DST: variants seen among roughly 807,000 people sequenced by gnomAD.
DST encodes bullous pemphigoid antigen.
DST carries 253 observed loss-of-function variants against 875.2 expected under a neutral mutation model. That is an observed-to-expected ratio of 0.29 (90% CI 0.26 to 0.32). The LOEUF is 0.32. Ranked by LOEUF, DST falls within the 10% of genes least tolerant of loss-of-function variation. The probability of loss-of-function intolerance (pLI) is 1.00; values close to 1 mark genes in which losing one functional copy is unlikely to be tolerated. For missense variants in DST, 8,287 were observed against 9,111.6 expected, an observed-to-expected ratio of 0.91 and a Z score of 3.68; for synonymous variants, 3,124 against 3,197.1, an observed-to-expected ratio of 0.98 and a Z score of 0.77.
chr6:56,655,442 T>C (rs1020229114), intron 10 of DST, among the ~76,000 whole-genome samples: 4 of 152,054 alleles, frequency 2.6e-5, no homozygotes, highest in African/African-American at 9.7e-5. Context: ...ATGGGAAATA[T>C]CAATGGCCAC....
chr6:56,932,587 CT>C (rs943443462), intron 2 of DST, among the ~76,000 whole-genome samples: 1 of 152,072 alleles, frequency 6.6e-6, no homozygotes, highest in African/African-American at 2.4e-5. Context: ...TCAAATATGC[CT>C]GGTAACTCTA....
intron 4 of DST, among the ~76,000 whole-genome samples, chr6:56,779,764 G>A (rs925419535): frequency 2.0e-5 from 3 of 149,238 alleles, no homozygotes; most frequent in South Asian, 4.3e-4. Flanking sequence ...TAGGGTACAT[G>A]TGCACAATAT....
At chr6:56,806,263 A>G (rs1314323567) in intron 4 of DST, among the ~76,000 whole-genome samples, 1 of 152,234 alleles carries the variant, frequency 6.6e-6, no homozygotes, top group Non-Finnish European at 1.5e-5. Flanking sequence ...TAGTTAAGTT[A>G]TTGCCCAATC....
intron 3 of DST, among the ~76,000 whole-genome samples, chr6:56,888,788 A>G (rs1003514667): frequency 7.2e-5 from 11 of 152,214 alleles, no homozygotes; most frequent in Admixed American, 4.6e-4. Flanking sequence ...CAAAAACCTA[A>G]GCTGTAATCA....
intron 60 of DST, among the ~76,000 whole-genome samples, chr6:56,554,481 C>T (rs2097372642): frequency 6.6e-6 from 1 of 152,100 alleles, no homozygotes; most frequent in Non-Finnish European, 1.5e-5. Flanking sequence ...AGTTGGAAGA[C>T]CCCAGGCAAA....
chr6:56,555,242 C>A (rs1018821097), intron 60 of DST, 103 bp downstream of exon 60: 23 of 1,283,630 alleles, frequency 1.8e-5, no homozygotes, highest in African/African-American at 3.0e-5. Flanking sequence ...AACAGTGGGG[C>A]AGAGTCTCTT....
intron 2 of DST, among the ~76,000 whole-genome samples, chr6:56,920,906 T>TTTTG (rs1803856330): frequency 1.5e-5 from 2 of 135,930 alleles, no homozygotes; most frequent in African/African-American, 5.6e-5. Flanking sequence ...TTTTTTTTTT[T>TTTTG]TTTTTTTTTT....
At position 56,608,453 on chromosome 6, in the gene DST, C is replaced by G; in HGVS notation, c.6175G>C (p.Ala2059Pro). The change falls in exon 40 of 104, where the codon GCT becomes CCT. Residue 2059 changes from alanine to proline, a missense_variant. Around this residue, in one of 10 missense-constraint regions of DST, gnomAD observed 3,138 missense variants for 3,116.6 expected, o/e 1.01. Coordinates refer to ENST00000680361, the MANE Select transcript of DST (RefSeq NM_001374736.1). The part of the protein sequence containing the change: ...VQCDLITSSS[A>P]LLVLEAQRGY... ...CGCTGAGCTTCCAGGACCAGAAGAG[C>G]ACTGCTGGAAGTTATTAAATCACAC... 6.2e-7 allele frequency: 1 copy of G among 1,613,718 alleles called. No homozygotes were observed. Among genetic ancestry groups the G allele is most frequent in the Non-Finnish European group, 8.5e-7 (1 of 1,179,772 alleles).
chr6:56,675,200 C>T (rs1397866854), intron 9 of DST, among the ~76,000 whole-genome samples: 1 of 152,094 alleles, frequency 6.6e-6, no homozygotes, highest in African/African-American at 2.4e-5. Flanking sequence ...AACTGGATAT[C>T]CACATAAAGA....
intron 2 of DST, among the ~76,000 whole-genome samples, chr6:56,950,825 T>A (rs1400276729): frequency 6.6e-6 from 1 of 152,230 alleles, no homozygotes; most frequent in South Asian, 2.1e-4. Flanking sequence ...AAAAAGCTAG[T>A]AAAGTTTGCA....
intron 51 of DST, among the ~76,000 whole-genome samples, 199 bp from the exon 52 acceptor site, chr6:56,573,263 G>C (rs773832544): frequency 1.3e-5 from 2 of 152,160 alleles, no homozygotes; most frequent in Non-Finnish European, 2.9e-5. Flanking sequence ...GTGAAGAACA[G>C]CTGGCTAGTT....
intron 3 of DST, among the ~76,000 whole-genome samples, chr6:56,861,472 T>C (rs1450330656): frequency 6.6e-6 from 1 of 152,200 alleles, no homozygotes; most frequent in Non-Finnish European, 1.5e-5. Flanking sequence ...CAAGAATAAA[T>C]GCTAAGTTCA....
chr6:56,828,194 G>GGAGCCTT, intron 4 of DST, among the ~76,000 whole-genome samples: 1 of 152,316 alleles, frequency 6.6e-6, no homozygotes, highest in Middle Eastern at 3.4e-3. Flanking sequence ...CCCGGAGCCT[G>GGAGCCTT]GATCTTATAG....
At chr6:56,832,110 C>T (rs986055573) in intron 4 of DST, among the ~76,000 whole-genome samples, 2 of 152,160 alleles carry the variant, frequency 1.3e-5, no homozygotes, top group Admixed American at 1.3e-4. Context: ...ATCCTTCAGT[C>T]CTGCTTTAGA....
rs1384439138 is a variant in DST, at chr6:56,727,173, CA to C, written c.687+8054del. On this transcript the variant is annotated intron_variant, in intron 5 of 103. Coordinates refer to ENST00000680361, the MANE Select transcript of DST (RefSeq NM_001374736.1). The stretch of plus-strand genomic sequence containing the variant: ...AGGCTAATCAGAACTCAAAAGAATG[CA>C]ATCATTTGTCTCTTATCTACCTGTG... Among the ~76,000 whole-genome samples, 16 of 152,318 alleles carry C rather than the reference CA, an allele frequency of 1.1e-4. No homozygotes were observed. The East Asian group carries it at 3.1e-3, about 29-fold the overall frequency.
At chr6:56,630,138 C>A in intron 31 of DST, 107 bp downstream of exon 31, 3 of 839,036 alleles carry the variant, frequency 3.6e-6, no homozygotes, top group South Asian at 1.6e-5. Flanking sequence ...TGGAATAAAT[C>A]CATTCAAAAA....
intron 4 of DST, among the ~76,000 whole-genome samples, chr6:56,802,233 A>G (rs2099747994): frequency 6.6e-6 from 1 of 152,158 alleles, no homozygotes; most frequent in African/African-American, 2.4e-5. Flanking sequence ...TAAAATTTTT[A>G]TAATTCTATA....
At chr6:56,704,168 G>T in intron 6 of DST, 112 bp downstream of exon 6, 1 of 518,620 alleles carries the variant, frequency 1.9e-6, no homozygotes, top group Non-Finnish European at 3.3e-6. Context: ...AGAATTCATA[G>T]CTCAAAAGAT....
intron 2 of DST, among the ~76,000 whole-genome samples, chr6:56,906,583 C>T (rs1654137089): frequency 6.6e-6 from 1 of 152,116 alleles, no homozygotes; most frequent in Admixed American, 6.5e-5. Flanking sequence ...GTAGACGTCA[C>T]ACCTGATCAA....
Sources: allele counts gnomAD v4.1 joint callset (sites outside exome capture counted in the v4.1 genomes callset), GRCh38; gene constraint gnomAD v4.1.1; regional missense constraint gnomAD v4.1.1; transcripts MANE v1.5; gene names NCBI Gene and HGNC (gene_info 2026-07-23, HGNC 2026-07-21).